CMIP: variants seen among roughly 807,000 people sequenced by gnomAD.
The protein encoded by CMIP is C-Maf-inducing protein.
In CMIP, 13 loss-of-function variants were observed where a neutral mutation model predicts 97.3. That is an observed-to-expected ratio of 0.13 (90% CI 0.09 to 0.21). The LOEUF is 0.21. Ranked by LOEUF, CMIP falls within the 10% of genes least tolerant of loss-of-function variation. CMIP has a pLI of 1.00. For missense variants in CMIP, 847 were observed against 1,024.9 expected (o/e 0.83, Z 2.37); for synonymous variants, 538 against 436.3 (o/e 1.23, Z -2.91).
chr16:81,568,809 G>T (rs994935972), intron 1 of CMIP, among the ~76,000 whole-genome samples: 1 of 152,182 alleles, frequency 6.6e-6, no homozygotes, highest in African/African-American at 2.4e-5. Context: ...CCATAAACCA[G>T]TCTGAAAGGC....
At chr16:81,694,953 C>A (rs1330150880) in intron 13 of CMIP, among the ~76,000 whole-genome samples, 2 of 152,222 alleles carry the variant, frequency 1.3e-5, no homozygotes, top group Admixed American at 6.5e-5. Context: ...TAAGTCTTTC[C>A]TTGCCACCTG....
At position 81,709,909 on chromosome 16, in the gene CMIP, G is replaced by C. The variant is rs1043482070; in HGVS notation, c.*110G>C. 4.4e-6 allele frequency: 2 copies of C among 458,990 alleles called. No homozygotes were observed. The highest frequency in any genetic ancestry group is 7.3e-6 in the Non-Finnish European group (2 of 272,882). The allele number at this position is 458,990 out of a possible 1,614,324, so 28.4% of individuals were successfully genotyped here. A position where few individuals can be genotyped will look rare whatever the true frequency, so the allele number is the denominator to read the frequency against. On this transcript the variant is annotated 3_prime_UTR_variant, in exon 21 of 21. Transcript: ENST00000537098. ...TCCCACCCTGGTGCCCTGGCTGTGA[G>C]ATAGATGGGGAGTCTTTCTGGGGGC...
chr16:81,704,126 CCTT>C lies in CMIP; in HGVS notation c.2091+43_2091+45del, dbSNP rs1201616795. The C allele has an allele frequency of 5.1e-6, 8 of 1,570,328 alleles. No individual in the cohort carries two copies. The Admixed American group carries it at 8.7e-5, about 17-fold the overall frequency. Reference sequence around the variant, plus strand: ...CTGCTGCAGTCCCCCACACCCTCCTCCTTCACCTCTGCACTCTCCTCCCTATTC... The same window carrying C: ...CTGCTGCAGTCCCCCACACCCTCCTCCACCTCTGCACTCTCCTCCCTATTC... On this transcript the variant is annotated intron_variant, in intron 18 of 20. Coordinates refer to ENST00000537098, the MANE Select transcript of CMIP (RefSeq NM_198390.3).
intron 1 of CMIP, among the ~76,000 whole-genome samples, chr16:81,509,381 C>A (rs557952560): frequency 3.2e-4 from 48 of 152,332 alleles, no homozygotes; most frequent in African/African-American, 1.1e-3. Flanking sequence ...TTCCTGTCAC[C>A]TAGCTCGGCA....
At chr16:81,638,153 C>G (rs2092260177) in intron 3 of CMIP, among the ~76,000 whole-genome samples, 2 of 152,240 alleles carry the variant, frequency 1.3e-5, no homozygotes, top group Non-Finnish European at 2.9e-5. Context: ...GCCTGCGCCT[C>G]CTCTGTCTCT....
Position 81,710,429 on chromosome 16 carries a change from G to A in CMIP, c.*630G>A, listed in dbSNP as rs1456569071. ...ACCGTCCCCCCCGCCCGACCCCACCGCCCTCCCGCCCCCACCTGGCGTGTA... is the reference window on the plus strand; with the variant it reads ...ACCGTCCCCCCCGCCCGACCCCACCACCCTCCCGCCCCCACCTGGCGTGTA... On this transcript the variant is annotated 3_prime_UTR_variant, in exon 21 of 21. Transcript: ENST00000537098. The A allele has an allele frequency of 3.1e-4, 9 of 28,802 alleles. No homozygotes were observed. Among genetic ancestry groups the A allele is most frequent in the Non-Finnish European group, 4.2e-4 (5 of 11,878 alleles). The allele number at this position is 28,802 out of a possible 1,614,324, so 1.8% of individuals were successfully genotyped here. A position where few individuals can be genotyped will look rare whatever the true frequency, so the allele number is the denominator to read the frequency against.
At chr16:81,700,264 C>A (rs1907249102) in intron 15 of CMIP, among the ~76,000 whole-genome samples, 2 of 152,048 alleles carry the variant, frequency 1.3e-5, no homozygotes, top group Admixed American at 1.3e-4. Context: ...TCCCCAGCCG[C>A]ACCCTTCACC....
chr16:81,685,354 C>A (rs1448371789), intron 10 of CMIP, among the ~76,000 whole-genome samples: 1 of 152,164 alleles, frequency 6.6e-6, no homozygotes, highest in African/African-American at 2.4e-5. Flanking sequence ...CCTGGGAGTA[C>A]AGGCCACGCT....
At chr16:81,484,807 G>C (rs188167027) in intron 1 of CMIP, among the ~76,000 whole-genome samples, 12 of 152,056 alleles carry the variant, frequency 7.9e-5, no homozygotes, top group African/African-American at 2.9e-4. Flanking sequence ...TTGCCTGCCC[G>C]GGTGTCCTCA....
rs754150431 is a variant in CMIP, at chr16:81,460,642, CTG to C, written c.300+15102_300+15103del. Among the ~76,000 whole-genome samples, 14 of 152,348 alleles carry C rather than the reference CTG, an allele frequency of 9.2e-5. No individual in the cohort carries two copies. The South Asian group carries it at 2.7e-3, about 29-fold the overall frequency. ...TATTGTCCTTTTGTGAAAATTTCCTCTGCCATCTGTTTCCTCCCAGGACCCTG... is the reference window on the plus strand; with the variant it reads ...TATTGTCCTTTTGTGAAAATTTCCTCCCATCTGTTTCCTCCCAGGACCCTG... On this transcript the variant is annotated intron_variant, in intron 1 of 20. Coordinates refer to ENST00000537098, the MANE Select transcript of CMIP (RefSeq NM_198390.3).
At chr16:81,504,034 A>C (rs1468354412) in intron 1 of CMIP, among the ~76,000 whole-genome samples, 1 of 152,190 alleles carries the variant, frequency 6.6e-6, no homozygotes, top group Non-Finnish European at 1.5e-5. Flanking sequence ...TGTTAGAAAA[A>C]GGTCAGTGGG....
Position 81,577,332 on chromosome 16 carries a change from A to G in CMIP, c.301-30235A>G, listed in dbSNP as rs895264849. ...CCATTACCACTACATTATTATCACTATCACCATCACCATCATCACCATCAC... is the reference window on the plus strand; with the variant it reads ...CCATTACCACTACATTATTATCACTGTCACCATCACCATCATCACCATCAC... On this transcript the variant is annotated intron_variant, in intron 1 of 20. Transcript: ENST00000537098. Among the ~76,000 whole-genome samples, 14 of 148,706 alleles carry G rather than the reference A, an allele frequency of 9.4e-5. No individual in the cohort carries two copies. In the East Asian group the frequency reaches 2.9e-3, roughly 31 times the overall value.
chr16:81,520,914 CGTGA>C (rs972740869), intron 1 of CMIP, among the ~76,000 whole-genome samples: 105 of 152,042 alleles, frequency 6.9e-4, no homozygotes, highest in African/African-American at 2.3e-3. Context: ...GAGCTGCTGT[CGTGA>C]GTGTGTGGCT....
chr16:81,646,805 T>G (rs1415723161), intron 3 of CMIP, among the ~76,000 whole-genome samples: 1 of 152,248 alleles, frequency 6.6e-6, no homozygotes, highest in Admixed American at 6.5e-5. Context: ...ATGTGGGTAA[T>G]TCAATCCTTT....
chr16:81,616,387 C>G lies in CMIP; in HGVS notation c.427-4489C>G, dbSNP rs1235540689. 6.6e-6 allele frequency among the ~76,000 whole-genome samples: 1 copy of G among 152,178 alleles called. No individual in the cohort carries two copies. Among genetic ancestry groups the G allele is most frequent in the Non-Finnish European group, 1.5e-5 (1 of 68,026 alleles). ...GGGCAGGCGCCGGAGTGTGCAGAGG[C>G]ACCCCACTGCCTGCTCCGAGCCTCA... On this transcript the variant is annotated intron_variant, in intron 2 of 20. Coordinates refer to ENST00000537098, the MANE Select transcript of CMIP (RefSeq NM_198390.3). The surrounding 1 kb of genome is among the most constrained non-coding windows in gnomAD (Gnocchi z 4.7).
chr16:81,540,643 A>AGTGTGTGTGTGTGTGT (rs67286788), intron 1 of CMIP, among the ~76,000 whole-genome samples: 8 of 141,984 alleles, frequency 5.6e-5, no homozygotes, highest in African/African-American at 1.6e-4. Context: ...TCTTGTTTTG[A>AGTGTGTGTGTGTGTGT]GTGTGTGTGT....
intron 3 of CMIP, among the ~76,000 whole-genome samples, chr16:81,628,868 G>C (rs1003799666): frequency 8.5e-5 from 13 of 152,084 alleles, no homozygotes; most frequent in Non-Finnish European, 1.9e-4. Context: ...GCGCGTGATG[G>C]CTCATACCTG....
Position 81,707,092 on chromosome 16 carries a change from C to T in CMIP, c.2268+8C>T. Reference sequence around the variant, plus strand: ...ACCTACGAAGATCTGAAGGTAATTCCCTCCTTCCTCCCCACTCTCCTCCCC... The same window carrying T: ...ACCTACGAAGATCTGAAGGTAATTCTCTCCTTCCTCCCCACTCTCCTCCCC... On this transcript the variant is annotated splice_region_variant and intron_variant, in intron 20 of 20. Transcript: ENST00000537098. 1.2e-6 allele frequency: 2 copies of T among 1,611,928 alleles called. No individual in the cohort carries two copies. Among genetic ancestry groups the T allele is most frequent in the East Asian group, 2.2e-5 (1 of 44,876 alleles).
rs1375952201 is a variant in CMIP at position 81,444,840 on chromosome 16, T to C, written c.-402T>C. The stretch of plus-strand genomic sequence containing the variant: ...CCCGGACGGCCGCGCGGACACACGC[T>C]CTGTACACACGCGCGCGGCGGCGCG... On this transcript the variant is annotated 5_prime_UTR_variant, in exon 1 of 21. Coordinates refer to ENST00000537098, the MANE Select transcript of CMIP (RefSeq NM_198390.3). Among the ~76,000 whole-genome samples, 1 of 139,106 alleles carries C rather than the reference T, an allele frequency of 7.2e-6. No homozygotes were observed. The highest frequency in any genetic ancestry group is 7.0e-5 in the Admixed American group (1 of 14,346). 91.3% of individuals were successfully genotyped at this position (139,106 alleles called of 152,430 possible).
Sources: allele counts gnomAD v4.1 joint callset (sites outside exome capture counted in the v4.1 genomes callset), GRCh38; gene constraint gnomAD v4.1.1; non-coding constraint Gnocchi (gnomAD v3.1); transcripts MANE v1.5; gene names NCBI Gene and HGNC (gene_info 2026-07-23, HGNC 2026-07-21).